FAM13C: variants seen among roughly 807,000 people sequenced by gnomAD.
FAM13C encodes the protein protein FAM13C.
A neutral mutation model predicts 73.2 loss-of-function variants in FAM13C; 37 were observed. The observed-to-expected ratio is 0.51, with a 90% CI of 0.39 to 0.67. The LOEUF is 0.67. Among genes scored for constraint, FAM13C ranks in the 30% least tolerant of loss-of-function variants. The pLI is 0.00. For missense variants in FAM13C, 589 were observed against 715.6 expected (o/e 0.82, Z 2.02); for synonymous variants, 246 against 260.9 (o/e 0.94, Z 0.55).
At chr10:59,354,684 G>A (rs1037827326) in intron 2 of FAM13C, among the ~76,000 whole-genome samples, 6 of 152,028 alleles carry the variant, frequency 3.9e-5, no homozygotes, top group Admixed American at 2.0e-4. Context: ...TTAGCCATGT[G>A]GTTATTTGCA....
chr10:59,335,562 A>G (rs938900741), intron 3 of FAM13C, among the ~76,000 whole-genome samples: 7 of 152,192 alleles, frequency 4.6e-5, no homozygotes, highest in African/African-American at 1.7e-4. Flanking sequence ...CAGCTTCAAG[A>G]TACAGGAAAT....
At chr10:59,300,047 T>C (rs1847395074) in intron 5 of FAM13C, among the ~76,000 whole-genome samples, 1 of 152,092 alleles carries the variant, frequency 6.6e-6, no homozygotes, top group Non-Finnish European at 1.5e-5. Context: ...GTTAGTGAGC[T>C]CTTCGGCCCA....
intron 3 of FAM13C, 109 bp from the exon 4 acceptor site, chr10:59,324,215 A>G (rs1850770839): frequency 2.5e-6 from 2 of 791,664 alleles, no homozygotes; most frequent in Non-Finnish European, 4.0e-6. Flanking sequence ...TGCATAACAC[A>G]TTCTGCTGAT....
intron 6 of FAM13C, among the ~76,000 whole-genome samples, chr10:59,276,757 T>C (rs746207346): frequency 2.0e-5 from 3 of 152,192 alleles, no homozygotes; most frequent in Non-Finnish European, 2.9e-5. Flanking sequence ...ACCATTGATA[T>C]GAAAATATAT....
At chr10:59,350,758 A>G (rs1307790966) in intron 3 of FAM13C, among the ~76,000 whole-genome samples, 3 of 152,210 alleles carry the variant, frequency 2.0e-5, no homozygotes, top group Non-Finnish European at 4.4e-5. Context: ...TTGCATGGTT[A>G]AAAAACCTGC....
intron 5 of FAM13C, among the ~76,000 whole-genome samples, chr10:59,297,934 T>C (rs1847108871): frequency 6.6e-6 from 1 of 152,066 alleles, no homozygotes; most frequent in African/African-American, 2.4e-5. Context: ...CCTAGAAGTA[T>C]TTCTCCCATT....
intron 4 of FAM13C, among the ~76,000 whole-genome samples, chr10:59,303,178 T>A (rs1318049626): frequency 2.6e-5 from 4 of 152,174 alleles, no homozygotes; most frequent in Non-Finnish European, 5.9e-5. Context: ...TTGCTGTGCC[T>A]GAGCCCAGAC....
At chr10:59,251,266 G>T in intron 13 of FAM13C, 3 of 396,904 alleles carry the variant, frequency 7.6e-6, no homozygotes, top group Middle Eastern at 1.3e-3. Context: ...AAAATCAACA[G>T]ATTTTTTTAA....
Position 59,270,037 on chromosome 10 carries a change from G to C in FAM13C, c.665C>G (p.Thr222Ser). 1 of 1,613,900 alleles carries C rather than the reference G, an allele frequency of 6.2e-7. No homozygotes were observed. Among genetic ancestry groups the C allele is most frequent in the Non-Finnish European group, 8.5e-7 (1 of 1,179,868 alleles). Residue 222 changes from threonine (T) to serine (S), a missense_variant, in exon 7 of 14, where the codon ACC (threonine) becomes AGC (serine). Transcript: ENST00000618804. ...SAPEDLHSVG[T>S]SRLLYHITDG... ...AGTGATGTGATAGAGCAGCCTGCTG[G>C]TCCCCACAGAGTGGAGGTCTTCTGG...
chr10:59,343,253 G>A (rs934266952), intron 3 of FAM13C, among the ~76,000 whole-genome samples: 1 of 152,142 alleles, frequency 6.6e-6, no homozygotes, highest in Non-Finnish European at 1.5e-5. Context: ...TCACTGAAGG[G>A]ATGCTTCTAC....
chr10:59,301,248 CT>C (rs756141208), intron 5 of FAM13C: 6 of 152,200 alleles, frequency 3.9e-5, no homozygotes, highest in East Asian at 1.9e-4. Context: ...AGTTCACCCC[CT>C]GATGGAAAAA....
intron 4 of FAM13C, among the ~76,000 whole-genome samples, chr10:59,322,245 C>T (rs1850418538): frequency 6.6e-6 from 1 of 152,096 alleles, no homozygotes; most frequent in African/African-American, 2.4e-5. Context: ...GGTGATGTCA[C>T]CATGGTTGTG....
chr10:59,302,103 C>T (rs909761332), intron 5 of FAM13C, among the ~76,000 whole-genome samples: 6 of 152,172 alleles, frequency 3.9e-5, no homozygotes, highest in Admixed American at 2.0e-4. Context: ...CTTAATCAGA[C>T]GTACTAAATA....
intron 4 of FAM13C, among the ~76,000 whole-genome samples, chr10:59,313,382 G>T (rs1171064514): frequency 6.6e-6 from 1 of 152,094 alleles, no homozygotes; most frequent in Non-Finnish European, 1.5e-5. Flanking sequence ...CAATAGCCTG[G>T]GTCTCCTTTG....
At chr10:59,360,096 G>C (rs1323647491) in intron 1 of FAM13C, among the ~76,000 whole-genome samples, 1 of 152,136 alleles carries the variant, frequency 6.6e-6, no homozygotes, top group Non-Finnish European at 1.5e-5. Context: ...AATAAAATCT[G>C]TCCTTGAGTC....
At position 59,355,925 on chromosome 10, in the gene FAM13C, G is replaced by C. The variant is rs540822244; in HGVS notation, c.81C>G (p.Val27=). The part of the protein sequence containing the change: ...TTVTECDEDP[V]SLHEDQTDCS... ...AATCAGTCTGGTCTTCATGTAGAGAGACTGGATCTTCGTCACACCTGGAAG... is the reference window on the plus strand; with the variant it reads ...AATCAGTCTGGTCTTCATGTAGAGACACTGGATCTTCGTCACACCTGGAAG... The change falls in exon 2 of 14, where the codon GTC becomes GTG. Residue 27 remains valine (V), a synonymous_variant. Transcript: ENST00000618804. 31 of 1,613,998 alleles carry C rather than the reference G, an allele frequency of 1.9e-5. No homozygotes were observed. In the Admixed American group the frequency reaches 4.0e-4, roughly 21 times the overall value.
At chr10:59,289,814 C>A (rs1368427591) in intron 5 of FAM13C, among the ~76,000 whole-genome samples, 1 of 152,156 alleles carries the variant, frequency 6.6e-6, no homozygotes, top group Non-Finnish European at 1.5e-5. Context: ...CCTAGTAAAC[C>A]CCTACAGTCC....
chr10:59,283,800 A>G (rs1317463112), intron 5 of FAM13C: 10 of 492,928 alleles, frequency 2.0e-5, no homozygotes, highest in Admixed American at 3.1e-5. Flanking sequence ...CTGAGAAGAT[A>G]TCTGCTTCCC....
chr10:59,361,202 A>T, intron 1 of FAM13C: 1 of 870,384 alleles, frequency 1.1e-6, no homozygotes, highest in Non-Finnish European at 1.6e-6. Context: ...CTTCTTCTAA[A>T]GTCAATCCTG....
Sources: allele counts gnomAD v4.1 joint callset (sites outside exome capture counted in the v4.1 genomes callset), GRCh38; gene constraint gnomAD v4.1.1; transcripts MANE v1.5; gene names NCBI Gene and HGNC (gene_info 2026-07-23, HGNC 2026-07-21).